The following HERC1 variants were observed in gnomAD, a reference collection of about 807,000 sequenced individuals.
HERC1 encodes HECT and RLD domain containing E3 ubiquitin protein ligase family member 1.
In HERC1, 160 loss-of-function variants were observed where a neutral mutation model predicts 554.3. The ratio of observed to expected loss-of-function variants is 0.29; its 90% confidence interval spans 0.25 to 0.33. The LOEUF (loss-of-function observed/expected upper bound fraction) is 0.33, where lower values mean the gene tolerates loss of function less well. HERC1 is among the 10% of genes least tolerant of loss of function. The probability of loss-of-function intolerance (pLI) is 1.00; values close to 1 mark genes in which losing one functional copy is unlikely to be tolerated. For missense variants in HERC1, 4,919 were observed against 5,918.5 expected (o/e 0.83, Z 5.54); for synonymous variants, 2,175 against 2,131.7 (o/e 1.02, Z -0.56).
At position 63,694,394 on chromosome 15, in the gene HERC1, GCAA is replaced by G; in HGVS notation, c.5395_5397del (p.Leu1799del). 1.9e-6 allele frequency: 3 copies of G among 1,613,942 alleles called. No individual in the cohort carries two copies. Among genetic ancestry groups the G allele is most frequent in the Non-Finnish European group, 2.5e-6 (3 of 1,179,870 alleles). ...CTAAGCTGGGAAACACCCGTCTTTG[GCAA>G]CAACTGCAGGGGCTGTCCTAGCATG... On this transcript the variant is annotated inframe_deletion, in exon 29 of 78. Transcript: ENST00000443617. This position sits in a 1 kb window ranked among gnomAD's most constrained non-coding sequence, Gnocchi z 4.3.
chr15:63,704,222 A>G (rs145172952), intron 25 of HERC1, among the ~76,000 whole-genome samples: 188 of 152,368 alleles, frequency 1.2e-3, no homozygotes, highest in Non-Finnish European at 6.9e-4. Context: ...CTCTTTGAAA[A>G]TATAATCTCC....
intron 18 of HERC1, 78 bp from the exon 19 acceptor site, chr15:63,723,433 A>G (rs778506120): frequency 1.3e-5 from 13 of 979,856 alleles, no homozygotes; most frequent in Non-Finnish European, 1.9e-5. Context: ...ACATTTATTT[A>G]ATGATTATGA....
chr15:63,724,558 A>G (rs2073959781), intron 18 of HERC1, among the ~76,000 whole-genome samples: 1 of 152,038 alleles, frequency 6.6e-6, no homozygotes, highest in African/African-American at 2.4e-5. Context: ...TCTCTCTTAG[A>G]CTTTCCTTCA....
At chr15:63,637,260 T>C (rs2068823803) in intron 64 of HERC1, 1 of 551,702 alleles carries the variant, frequency 1.8e-6, no homozygotes, top group African/African-American at 1.9e-5. Flanking sequence ...TTGTTTACAA[T>C]CTTCAGTGGG....
intron 12 of HERC1, among the ~76,000 whole-genome samples, chr15:63,740,059 C>T (rs991006065): frequency 2.0e-5 from 3 of 152,036 alleles, no homozygotes; most frequent in South Asian, 2.1e-4. Context: ...TACAGGCATG[C>T]GCCACCAGAC....
intron 2 of HERC1, among the ~76,000 whole-genome samples, chr15:63,764,749 C>T (rs563262828): frequency 4.6e-5 from 7 of 151,834 alleles, no homozygotes; most frequent in African/African-American, 1.2e-4. Context: ...GGTTAACTGT[C>T]TCTCTAAAAC....
chr15:63,615,384 G>A (rs141884474), intron 76 of HERC1, among the ~76,000 whole-genome samples: 57 of 152,300 alleles, frequency 3.7e-4, no homozygotes, highest in African/African-American at 1.3e-3. Flanking sequence ...TGAGGCAGGT[G>A]GATCACTTGA....
At chr15:63,815,669 AAC>A (rs754008798) in intron 1 of HERC1, among the ~76,000 whole-genome samples, 2 of 152,210 alleles carry the variant, frequency 1.3e-5, no homozygotes, top group Non-Finnish European at 2.9e-5. Flanking sequence ...AGTGAAGTCA[AAC>A]ACACTCTTCA....
chr15:63,733,877 A>G (rs2074396048), intron 13 of HERC1, among the ~76,000 whole-genome samples: 2 of 150,584 alleles, frequency 1.3e-5, no homozygotes, highest in Non-Finnish European at 3.0e-5. Flanking sequence ...AAAATCACCT[A>G]TGGACCAGGC....
intron 12 of HERC1, among the ~76,000 whole-genome samples, chr15:63,744,403 C>A (rs539340356): frequency 4.9e-4 from 75 of 152,280 alleles, no homozygotes; most frequent in African/African-American, 1.7e-3. Flanking sequence ...AGTGGCAAAG[C>A]CAGCCAGGCC....
chr15:63,630,748 A>G (rs997845304), intron 68 of HERC1, 113 bp from the exon 69 acceptor site: 4 of 1,008,904 alleles, frequency 4.0e-6, no homozygotes, highest in South Asian at 1.7e-5. Flanking sequence ...AATGACACAT[A>G]TAACTCAACT....
At chr15:63,623,663 G>A in intron 73 of HERC1, 62 bp downstream of exon 73, 2 of 1,509,376 alleles carry the variant, frequency 1.3e-6, no homozygotes, top group Non-Finnish European at 1.8e-6. Flanking sequence ...GTGATCACTG[G>A]AAACAGCAAA....
At chr15:63,634,487 C>T (rs1013683976) in intron 66 of HERC1, among the ~76,000 whole-genome samples, 1 of 152,122 alleles carries the variant, frequency 6.6e-6, no homozygotes, top group Non-Finnish European at 1.5e-5. Context: ...ATGGAGGGGG[C>T]TTTAAAAATA....
chr15:63,806,812 C>T (rs1313495939), intron 1 of HERC1, among the ~76,000 whole-genome samples: 2 of 152,234 alleles, frequency 1.3e-5, no homozygotes, highest in Non-Finnish European at 2.9e-5. Flanking sequence ...CTCTGTCATC[C>T]AGGCTGGAGT....
chr15:63,832,122 T>C (rs1276493229), intron 1 of HERC1, among the ~76,000 whole-genome samples: 1 of 152,216 alleles, frequency 6.6e-6, no homozygotes, highest in African/African-American at 2.4e-5. Context: ...TCCCTAGATA[T>C]CTCATTCTGC....
In HERC1 at chr15:63,653,374, C is replaced by A. The variant is rs139896454; in HGVS notation, c.10290+745G>T. ...AGGAGAATCACTTGAACCCGGGAGG[C>A]GGGGACTACAGTGAGCCGAGATCTC... On this transcript the variant is annotated intron_variant, in intron 51 of 77. Transcript: ENST00000443617. 3.4e-3 allele frequency among the ~76,000 whole-genome samples: 487 copies of A among 144,580 alleles called. 2 individuals carry two copies. The highest frequency in any genetic ancestry group is 8.7e-3 in the South Asian group (39 of 4,506). The allele number at this position is 144,580 out of a possible 152,430, so 94.9% of individuals were successfully genotyped here. A position where few individuals can be genotyped will look rare whatever the true frequency, so the allele number is the denominator to read the frequency against.
intron 72 of HERC1, 98 bp from the exon 73 acceptor site, chr15:63,623,988 A>G (rs2068195332): frequency 7.2e-7 from 1 of 1,383,554 alleles, no homozygotes; most frequent in Admixed American, 1.9e-5. Context: ...AGCTAGTTTA[A>G]CAGGCAAGCA....
intron 1 of HERC1, among the ~76,000 whole-genome samples, chr15:63,815,682 T>C (rs1331596154): frequency 1.3e-5 from 2 of 152,230 alleles, no homozygotes; most frequent in Non-Finnish European, 2.9e-5. Flanking sequence ...ACACTCTTCA[T>C]GGTTGGATAT....
Position 63,694,356 on chromosome 15 carries a change from T to C in HERC1, c.5436A>G (p.Lys1812=). 6.2e-7 allele frequency: 1 copy of C among 1,613,900 alleles called. No homozygotes were observed. Among genetic ancestry groups the C allele is most frequent in the Non-Finnish European group, 8.5e-7 (1 of 1,179,854 alleles). The part of the protein sequence containing the change: ...TGVSQLSTAL[K]VASTRLLQIL... ...TCTGGAGCAACCTTGTACTGGCCAC[T>C]TTCAAAGCTGTGCTAAGCTGGGAAA... The change falls in exon 29 of 78, where the codon AAA becomes AAG. Residue 1812 remains lysine, a synonymous_variant. Transcript: ENST00000443617. This position sits in a 1 kb window ranked among gnomAD's most constrained non-coding sequence, Gnocchi z 4.3.
Sources: gnomAD v4.1 joint callset for allele counts (sites outside exome capture counted in the v4.1 genomes callset) on GRCh38, gnomAD v4.1.1 for gene constraint, Gnocchi (gnomAD v3.1) non-coding constraint, MANE v1.5 for transcripts, NCBI Gene and HGNC (gene_info 2026-07-23, HGNC 2026-07-21) for gene names.